TRIO: variants seen among roughly 807,000 people sequenced by gnomAD.
The protein encoded by TRIO is triple functional domain protein.
A neutral mutation model predicts 351.9 loss-of-function variants in TRIO; 58 were observed. The observed-to-expected ratio is 0.16, with a 90% CI of 0.13 to 0.21. The LOEUF (loss-of-function observed/expected upper bound fraction) is 0.21. Ranked by LOEUF, TRIO falls within the 10% of genes least tolerant of loss-of-function variation. The probability of loss-of-function intolerance (pLI) is 1.00; values close to 1 mark genes in which losing one functional copy is unlikely to be tolerated. For missense variants in TRIO, 3,201 were observed against 4,027.8 expected (o/e 0.79, Z 5.56); for synonymous variants, 1,758 against 1,595.7 (o/e 1.10, Z -2.42).
intron 37 of TRIO, among the ~76,000 whole-genome samples, chr5:14,469,011 A>C (rs17428910): frequency 6.6e-6 from 1 of 152,186 alleles, no homozygotes; most frequent in Non-Finnish European, 1.5e-5. Flanking sequence ...GCAATAGAGT[A>C]ATAGTTCCCT....
intron 1 of TRIO, among the ~76,000 whole-genome samples, chr5:14,180,126 AAAG>A (rs1789674568): frequency 1.3e-5 from 2 of 151,278 alleles, no homozygotes; most frequent in South Asian, 4.2e-4. Context: ...AAAAAAAAAA[AAAG>A]ATTAACTGTA....
chr5:14,229,586 A>G (rs1793277863), intron 1 of TRIO, among the ~76,000 whole-genome samples: 1 of 152,102 alleles, frequency 6.6e-6, no homozygotes, highest in South Asian at 2.1e-4. Flanking sequence ...GCCTTTTTTG[A>G]TAGGTTTCCC....
intron 1 of TRIO, among the ~76,000 whole-genome samples, chr5:14,147,875 C>G (rs887676381): frequency 6.6e-6 from 1 of 152,136 alleles, no homozygotes; most frequent in African/African-American, 2.4e-5. Context: ...AAAGTGGGTC[C>G]TTGTTACCCT....
At chr5:14,407,587 C>A (rs940916105) in intron 33 of TRIO, among the ~76,000 whole-genome samples, 1 of 152,200 alleles carries the variant, frequency 6.6e-6, no homozygotes, top group Non-Finnish European at 1.5e-5. Flanking sequence ...GATGCCCTCT[C>A]ATAACCATAG....
intron 1 of TRIO, among the ~76,000 whole-genome samples, chr5:14,180,888 T>G (rs1789727961): frequency 6.6e-6 from 1 of 152,188 alleles, no homozygotes; most frequent in Non-Finnish European, 1.5e-5. Context: ...CAGTTTTAAT[T>G]TTCTTTTGAA....
intron 1 of TRIO, among the ~76,000 whole-genome samples, chr5:14,220,007 A>G (rs1419956395): frequency 7.5e-6 from 1 of 133,556 alleles, no homozygotes; most frequent in African/African-American, 2.7e-5. Context: ...GTTCTATTGT[A>G]CAGATACTGC....
At chr5:14,488,486 C>A (rs1756218008) in intron 48 of TRIO, 3 of 595,738 alleles carry the variant, frequency 5.0e-6, no homozygotes, top group Non-Finnish European at 8.5e-6. Flanking sequence ...GATCATTAAC[C>A]TTCTCAACGC....
Position 14,488,121 on chromosome 5 carries a change from G to A in TRIO, c.7493G>A (p.Gly2498Asp). ...SIPASPASRP[G>D]SFTFPGDSDS... The stretch of plus-strand genomic sequence containing the variant: ...CCCGCCTCCCCCGCCAGCCGACCCG[G>A]CTCCTTCACCTTCCCGGGGGACAGC... The change falls in exon 48 of 57, where the codon GGC (glycine) becomes GAC (aspartate). Residue 2498 changes from glycine (G) to aspartate (D), a missense_variant. Gly to Asp is a moderately conservative substitution (Grantham distance 94). Transcript: ENST00000344204. 1.9e-6 allele frequency: 3 copies of A among 1,609,486 alleles called. No individual in the cohort carries two copies. The highest frequency in any genetic ancestry group is 1.1e-5 in the South Asian group (1 of 90,974).
intron 29 of TRIO, among the ~76,000 whole-genome samples, chr5:14,398,206 C>G (rs1240587610): frequency 6.6e-6 from 1 of 152,142 alleles, no homozygotes; most frequent in Non-Finnish European, 1.5e-5. Context: ...CAGCCTCTGC[C>G]CTAGGGCTGG....
intron 1 of TRIO, among the ~76,000 whole-genome samples, chr5:14,266,020 C>CATTG (rs984506156): frequency 1.3e-5 from 2 of 152,046 alleles, no homozygotes; most frequent in African/African-American, 2.4e-5. Context: ...TGGTTGAGTT[C>CATTG]ATTGATTGAT....
chr5:14,498,103 G>A lies in TRIO; in HGVS notation c.8062G>A (p.Val2688Ile), dbSNP rs374896197. 140 of 1,614,068 alleles carry A rather than the reference G, an allele frequency of 8.7e-5. No individual in the cohort carries two copies. The highest frequency in any genetic ancestry group is 1.2e-4 in the African/African-American group (9 of 74,904). Reference sequence around the variant, plus strand: ...TTCCCATGCAGTTCCCCCAGAATTCGTCATTCCATTGAGTGAGGTCACGTG... The same window carrying A: ...TTCCCATGCAGTTCCCCCAGAATTCATCATTCCATTGAGTGAGGTCACGTG... ...NYIYDVPPEFVIPLSEVTCET... is the reference protein window; with the variant it reads ...NYIYDVPPEFIIPLSEVTCET... The change falls in exon 52 of 57, where the codon GTC becomes ATC. Residue 2688 changes from valine to isoleucine, a missense_variant. By Grantham distance (29) the Val-to-Ile change is conservative. Coordinates refer to ENST00000344204, the MANE Select transcript of TRIO (RefSeq NM_007118.4).
chr5:14,344,114 G>T (rs1742191502), intron 11 of TRIO, among the ~76,000 whole-genome samples: 1 of 152,040 alleles, frequency 6.6e-6, no homozygotes. Flanking sequence ...TTATTTTTCT[G>T]ACATGGGTAC....
rs541219517 is a variant in TRIO at position 14,463,069 on chromosome 5, G to A, written c.5667+144G>A. 61 of 1,120,134 alleles carry A rather than the reference G, an allele frequency of 5.4e-5. No homozygotes were observed. In the African/African-American group the frequency reaches 7.0e-4, roughly 13 times the overall value. The allele number at this position is 1,120,134 out of a possible 1,614,324, so 69.4% of individuals were successfully genotyped here. On this transcript the variant is annotated intron_variant, in intron 36 of 56. Coordinates refer to ENST00000344204, the MANE Select transcript of TRIO (RefSeq NM_007118.4). Reference sequence around the variant, plus strand: ...GCAATGCAGTGCTCTTTCAGGCAGCGTCAGCCTGGTTGTACCCCAAAAGTA... The same window carrying A: ...GCAATGCAGTGCTCTTTCAGGCAGCATCAGCCTGGTTGTACCCCAAAAGTA...
intron 2 of TRIO, among the ~76,000 whole-genome samples, chr5:14,275,943 T>C (rs1049516179): frequency 1.2e-4 from 18 of 146,684 alleles, no homozygotes; most frequent in Non-Finnish European, 2.5e-4. Flanking sequence ...TGTGTGTCTA[T>C]ATATATACAT....
intron 9 of TRIO, among the ~76,000 whole-genome samples, chr5:14,322,862 T>C (rs551380347): frequency 2.0e-5 from 3 of 152,212 alleles, no homozygotes; most frequent in Non-Finnish European, 2.9e-5. Context: ...TAGGGAGTGC[T>C]GAGTGGAGGC....
chr5:14,496,488 T>C (rs997586171), intron 49 of TRIO, among the ~76,000 whole-genome samples: 1 of 152,166 alleles, frequency 6.6e-6, no homozygotes, highest in African/African-American at 2.4e-5. Context: ...CTTCGGCTCA[T>C]TGGATGAGGG....
intron 11 of TRIO, among the ~76,000 whole-genome samples, chr5:14,340,409 A>G (rs943041814): frequency 4.0e-5 from 6 of 151,794 alleles, no homozygotes; most frequent in South Asian, 2.1e-4. Flanking sequence ...AAAAAAAAAA[A>G]AAAAAGAAAA....
At chr5:14,246,502 CT>C (rs1794444597) in intron 1 of TRIO, among the ~76,000 whole-genome samples, 1 of 152,196 alleles carries the variant, frequency 6.6e-6, no homozygotes, top group Non-Finnish European at 1.5e-5. Flanking sequence ...GCTGTCACTT[CT>C]CTTTTGGATA....
At chr5:14,427,381 G>A (rs1193768189) in intron 34 of TRIO, among the ~76,000 whole-genome samples, 4 of 152,176 alleles carry the variant, frequency 2.6e-5, no homozygotes, top group Non-Finnish European at 5.9e-5. Context: ...TGCAGATGAT[G>A]GAAGAGAAGA....
Sources: allele counts gnomAD v4.1 joint callset (sites outside exome capture counted in the v4.1 genomes callset), GRCh38; gene constraint gnomAD v4.1.1; transcripts MANE v1.5; gene names NCBI Gene and HGNC (gene_info 2026-07-23, HGNC 2026-07-21).